The following TFR2 variants were observed in gnomAD, a reference collection of about 807,000 sequenced individuals.
TFR2 encodes transferrin receptor 2.
A neutral mutation model predicts 91.9 loss-of-function variants in TFR2; 64 were observed. The ratio of observed to expected loss-of-function variants is 0.70; its 90% CI spans 0.57 to 0.86. The LOEUF (loss-of-function observed/expected upper bound fraction) is 0.86. Ranked by LOEUF, TFR2 falls within the 40% of genes least tolerant of loss-of-function variation. The probability of loss-of-function intolerance (pLI) is 0.00; values close to 1 mark genes in which losing one functional copy is unlikely to be tolerated. For missense variants in TFR2, 950 were observed against 1,080.5 expected, an observed-to-expected ratio of 0.88 and a Z score of 1.69; for synonymous variants, 454 against 459.6, an observed-to-expected ratio of 0.99 and a Z score of 0.15.
At chr7:100,625,713 G>A (rs1403380200) in intron 17 of TFR2, among the ~76,000 whole-genome samples, 2 of 151,988 alleles carry the variant, frequency 1.3e-5, no homozygotes, top group African/African-American at 4.8e-5. Context: ...GTAAAACCCT[G>A]TCTCTACAAA....
chr7:100,623,204 C>T lies in TFR2; in HGVS notation c.2137-2078G>A, dbSNP rs969488063. On this transcript the variant is annotated intron_variant, in intron 17 of 17. Coordinates refer to ENST00000223051, the MANE Select transcript of TFR2 (RefSeq NM_003227.4). Reference sequence around the variant, plus strand: ...AGGAGAATAGCTTTAACCCGGGAGGCGGAGGTTGCAGCGAGCCGAGATCGT... The same window carrying T: ...AGGAGAATAGCTTTAACCCGGGAGGTGGAGGTTGCAGCGAGCCGAGATCGT... Among the ~76,000 whole-genome samples the T allele has an allele frequency of 2.6e-5, 4 of 152,134 alleles. No individual in the cohort carries two copies. The East Asian group carries it at 5.8e-4, about 22-fold the overall frequency.
rs374964799 is a variant in TFR2 at position 100,621,131 on chromosome 7, G to C, written c.2137-5C>G. Reference sequence around the variant, plus strand: ...GGAAAGGAAGTAGAACTCCACCTGCGCAGAGAGGGGGATCAGGTCAGGGTT... The same window carrying C: ...GGAAAGGAAGTAGAACTCCACCTGCCCAGAGAGGGGGATCAGGTCAGGGTT... On this transcript the variant is annotated splice_region_variant and splice_polypyrimidine_tract_variant and intron_variant, in intron 17 of 17. Transcript: ENST00000223051. 1 of 1,508,224 alleles carries C rather than the reference G, an allele frequency of 6.6e-7. No homozygotes were observed. Among genetic ancestry groups the C allele is most frequent in the Admixed American group, 2.0e-5 (1 of 48,958 alleles). The allele number at this position is 1,508,224 out of a possible 1,614,324, so 93.4% of individuals were successfully genotyped here.
intron 17 of TFR2, among the ~76,000 whole-genome samples, chr7:100,623,228 G>A (rs988749931): frequency 1.3e-5 from 2 of 152,238 alleles, no homozygotes; most frequent in Admixed American, 1.3e-4. Flanking sequence ...AGCCGAGATC[G>A]TGCCACTGCA....
In TFR2 at chr7:100,641,238, C is replaced by A. The variant is rs748518852; in HGVS notation, c.34-10G>T. On this transcript the variant is annotated splice_polypyrimidine_tract_variant and intron_variant, in intron 1 of 17. Coordinates refer to ENST00000223051, the MANE Select transcript of TFR2 (RefSeq NM_003227.4). ...TTGGGGACAGTTGTTGCTGTGCAGG[C>A]GAGGTGGGCATGAGATTGGGGCAAG... The A allele has an allele frequency of 6.5e-6, 10 of 1,531,360 alleles. No homozygotes were observed. The highest frequency in any genetic ancestry group is 8.8e-6 in the Non-Finnish European group (10 of 1,138,040). 94.9% of individuals were successfully genotyped at this position (1,531,360 alleles called of 1,614,324 possible).
At chr7:100,640,530 C>G in intron 3 of TFR2, 156 bp downstream of exon 3, 2 of 821,392 alleles carry the variant, frequency 2.4e-6, no homozygotes, top group Non-Finnish European at 3.8e-6. Flanking sequence ...TGCCATCCTT[C>G]CCAGGACCGC....
chr7:100,640,742 G>A lies in TFR2; in HGVS notation c.417C>T (p.Asp139=), dbSNP rs745656362. Residue 139 remains aspartate (D), a synonymous_variant, in exon 3 of 18, where the codon GAC becomes GAT. Coordinates refer to ENST00000223051, the MANE Select transcript of TFR2 (RefSeq NM_003227.4). The part of the protein sequence containing the change: ...DFHQGRLYWS[D]LQAMFLQFLG... ...GGAACTGCAGGAACATGGCCTGGAG[G>A]TCGCTCCAGTAGAGTCTGCCCTGGT... The A allele has an allele frequency of 5.6e-6, 9 of 1,613,914 alleles. No homozygotes were observed. Among genetic ancestry groups the A allele is most frequent in the African/African-American group, 2.7e-5 (2 of 74,924 alleles).
rs1456739161 is a variant in TFR2 at position 100,621,082 on chromosome 7, G to A, written c.2181C>T (p.Ser727=). Residue 727 remains serine (S), a synonymous_variant, in exon 18 of 18, where the codon TCC becomes TCT. Coordinates refer to ENST00000223051, the MANE Select transcript of TFR2 (RefSeq NM_003227.4). ...GGCCCATGAAGATGTGGCGGAACGG[G>A]GAGTCGGCTGGCGACACGTACTGGG... The part of the protein sequence containing the change: ...FLSQYVSPAD[S]PFRHIFMGRG... The A allele has an allele frequency of 6.5e-7, 1 of 1,544,748 alleles. No homozygotes were observed. Among genetic ancestry groups the A allele is most frequent in the South Asian group, 1.2e-5 (1 of 84,312 alleles).
rs776336894 is a variant in TFR2 at position 100,621,094 on chromosome 7, C to T, written c.2169G>A (p.Ser723=). 20 of 1,537,926 alleles carry T rather than the reference C, an allele frequency of 1.3e-5. No homozygotes were observed. The highest frequency in any genetic ancestry group is 7.9e-5 in the Admixed American group (4 of 50,704). ...VEFYFLSQYV[S]PADSPFRHIF... ...TGTGGCGGAACGGGGAGTCGGCTGG[C>T]GACACGTACTGGGAAAGGAAGTAGA... The change falls in exon 18 of 18, where the codon TCG becomes TCA. Residue 723 remains serine, a synonymous_variant. Transcript: ENST00000223051.
chr7:100,633,099 C>G lies in TFR2; in HGVS notation c.751G>C (p.Gly251Arg). The G allele has an allele frequency of 1.2e-6, 2 of 1,613,448 alleles. No homozygotes were observed. Among genetic ancestry groups the G allele is most frequent in the South Asian group, 1.1e-5 (1 of 91,062 alleles). Residue 251 changes from glycine (G) to arginine (R), a missense_variant, in exon 6 of 18, where the codon GGG (glycine) becomes CGG (arginine). Coordinates refer to ENST00000223051, the MANE Select transcript of TFR2 (RefSeq NM_003227.4). ...VTGELVYAHYGRPEDLQDLRA... is the reference protein window; with the variant it reads ...VTGELVYAHYRRPEDLQDLRA... ...AGGTCCTGCAGGTCTTCGGGCCGCC[C>G]GTAGTGGGCGTACACCAGCTCTCCC...
chr7:100,640,609 C>A, intron 3 of TFR2, 77 bp downstream of exon 3: 1 of 1,540,824 alleles, frequency 6.5e-7, no homozygotes, highest in East Asian at 2.3e-5. Context: ...AGGCCTGGGC[C>A]AGGAGGCAGG....
At chr7:100,632,717 T>TAAAAAAA in intron 6 of TFR2, 1 of 204,954 alleles carries the variant, frequency 4.9e-6, no homozygotes, top group Non-Finnish European at 8.5e-6. Flanking sequence ...CCCAGCTAAC[T>TAAAAAAA]AAAAAAAAAA....
intron 3 of TFR2, among the ~76,000 whole-genome samples, chr7:100,637,189 C>A (rs182058243): frequency 1.8e-4 from 28 of 152,096 alleles, no homozygotes; most frequent in African/African-American, 6.8e-4. Context: ...CTCCTGAGGT[C>A]AGGAGTTCGA....
chr7:100,632,312 G>A, intron 6 of TFR2, 114 bp from the exon 7 acceptor site: 1 of 989,440 alleles, frequency 1.0e-6, no homozygotes, highest in Non-Finnish European at 1.6e-6. Context: ...CCACGGAGAG[G>A]ATGTGGGGGC....
rs1803457885 is a variant in TFR2, at chr7:100,632,157, T to C, written c.891A>G (p.Ile297Met). 1 of 1,613,984 alleles carries C rather than the reference T, an allele frequency of 6.2e-7. No homozygotes were observed. Among genetic ancestry groups the C allele is most frequent in the African/African-American group, 1.3e-5 (1 of 74,902 alleles). Residue 297 changes from isoleucine (I) to methionine (M), a missense_variant, in exon 7 of 18, where the codon ATA (isoleucine) becomes ATG (methionine). Transcript: ENST00000223051. ...GGGAGAAGTCCGCTGGCTCTGGGTATATGAGCACTCCTTGAGCCCCGAAGT... is the reference window on the plus strand; with the variant it reads ...GGGAGAAGTCCGCTGGCTCTGGGTACATGAGCACTCCTTGAGCCCCGAAGT... ...AQDFGAQGVLIYPEPADFSQD... is the reference protein window; with the variant it reads ...AQDFGAQGVLMYPEPADFSQD...
At chr7:100,623,101 C>T (rs1330014809) in intron 17 of TFR2, among the ~76,000 whole-genome samples, 2 of 152,076 alleles carry the variant, frequency 1.3e-5, no homozygotes, top group African/African-American at 2.4e-5. Context: ...GGCGAAACCC[C>T]GTCTCTACTA....
Position 100,627,633 on chromosome 7 carries a change from C to T in TFR2, c.1711G>A (p.Ala571Thr), listed in dbSNP as rs1479279170. The T allele has an allele frequency of 5.0e-6, 8 of 1,614,010 alleles. No individual in the cohort carries two copies. The Admixed American group carries it at 1.2e-4, about 24-fold the overall frequency. Residue 571 changes from alanine to threonine, a missense_variant, in exon 15 of 18, where the codon GCC becomes ACC. Physicochemically the swap from Ala to Thr is moderately conservative, Grantham distance 58 (BLOSUM62 0). Transcript: ENST00000223051. ...VIRPLPMDSS[A>T]YSFTAFVGVP... is the part of the protein sequence containing the mutation. ...CCCACAAAGGCCGTGAAGGAATAGGCACTGCTGTCCATGGGTAGGGGCCGG... is the reference window on the plus strand; with the variant it reads ...CCCACAAAGGCCGTGAAGGAATAGGTACTGCTGTCCATGGGTAGGGGCCGG...
chr7:100,621,737 G>A (rs962206794), intron 17 of TFR2, among the ~76,000 whole-genome samples: 1 of 152,082 alleles, frequency 6.6e-6, no homozygotes, highest in Non-Finnish European at 1.5e-5. Context: ...GCCCAGAGAC[G>A]AAGGTCAAGG....
intron 9 of TFR2, among the ~76,000 whole-genome samples, chr7:100,629,718 C>T (rs1333671035): frequency 1.3e-5 from 2 of 151,822 alleles, no homozygotes; most frequent in East Asian, 2.0e-4. Context: ...CCACCATGCT[C>T]GGCTAATTTC....
At chr7:100,632,285 G>T in intron 6 of TFR2, 87 bp from the exon 7 acceptor site, 1 of 1,201,066 alleles carries the variant, frequency 8.3e-7, no homozygotes, top group Non-Finnish European at 1.2e-6. Flanking sequence ...CAAGGCCTTT[G>T]CTTGCAACTG....
Sources: gnomAD v4.1 joint callset for allele counts (sites outside exome capture counted in the v4.1 genomes callset) on GRCh38, gnomAD v4.1.1 for gene constraint, MANE v1.5 for transcripts, NCBI Gene and HGNC (gene_info 2026-07-23, HGNC 2026-07-21) for gene names.